Variants in TRAPPC11 observed in about 807,000 individuals in gnomAD.
TRAPPC11 encodes foie gras homolog.
A neutral mutation model predicts 151.2 loss-of-function variants in TRAPPC11; 104 were observed. That is an observed-to-expected ratio of 0.69 (90% CI 0.59 to 0.81). The LOEUF (loss-of-function observed/expected upper bound fraction) is 0.81. Among genes scored for constraint, TRAPPC11 ranks in the 30% least tolerant of loss-of-function variants. The pLI is 0.00. For missense variants in TRAPPC11, 1,230 were observed against 1,349.6 expected, an observed-to-expected ratio of 0.91 and a Z score of 1.39; for synonymous variants, 456 against 472.3, an observed-to-expected ratio of 0.97 and a Z score of 0.45.
intron 5 of TRAPPC11, among the ~76,000 whole-genome samples, chr4:183,671,104 G>A (rs1406296522): frequency 1.3e-5 from 2 of 152,170 alleles, no homozygotes; most frequent in East Asian, 1.9e-4. Context: ...GACCTTAGGT[G>A]ATCCGCCCAC....
Position 183,684,166 on chromosome 4 carries a change from A to G in TRAPPC11, c.1309A>G (p.Ser437Gly). The G allele has an allele frequency of 6.2e-7, 1 of 1,613,868 alleles. No homozygotes were observed. The highest frequency in any genetic ancestry group is 8.5e-7 in the Non-Finnish European group (1 of 1,179,790). The change falls in exon 13 of 30, where the codon AGC becomes GGC. Residue 437 changes from serine to glycine, a missense_variant. Transcript: ENST00000334690. ...ATAGGAGATAATCATAACTCTTCTG[A>G]GCAATGCTGTTGCACAGTTCAAGAA... ...VHSEIIITLL[S>G]NAVAQFKKYK...
chr4:183,678,655 A>C (rs914463775), intron 8 of TRAPPC11, among the ~76,000 whole-genome samples: 1 of 152,342 alleles, frequency 6.6e-6, no homozygotes, highest in East Asian at 1.9e-4. Context: ...ACACATACTT[A>C]TCTGTGTGTA....
intron 8 of TRAPPC11, 56 bp from the exon 9 acceptor site, chr4:183,679,297 A>T: frequency 6.9e-7 from 1 of 1,449,348 alleles, no homozygotes; most frequent in East Asian, 2.5e-5. Flanking sequence ...TTAAATGAAT[A>T]TGTCTTTTGA....
chr4:183,688,888 C>A (rs1260153284), intron 18 of TRAPPC11, among the ~76,000 whole-genome samples: 1 of 152,112 alleles, frequency 6.6e-6, no homozygotes, highest in Non-Finnish European at 1.5e-5. Context: ...GCTGGGACTA[C>A]AGGCACATGC....
chr4:183,707,657 T>C (rs1579230174), intron 28 of TRAPPC11, among the ~76,000 whole-genome samples: 1 of 152,204 alleles, frequency 6.6e-6, no homozygotes, highest in Non-Finnish European at 1.5e-5. Flanking sequence ...AATTAACTGC[T>C]CTGCATATTC....
At chr4:183,676,316 A>G (rs1261335520) in intron 7 of TRAPPC11, among the ~76,000 whole-genome samples, 1 of 151,918 alleles carries the variant, frequency 6.6e-6, no homozygotes, top group Non-Finnish European at 1.5e-5. Flanking sequence ...CGCCCAGCTA[A>G]TTTTTATATT....
chr4:183,679,269 T>G, intron 8 of TRAPPC11, 84 bp from the exon 9 acceptor site: 2 of 1,284,818 alleles, frequency 1.6e-6, no homozygotes, highest in Non-Finnish European at 2.1e-6. Context: ...TTTTCTAATG[T>G]TATTCTCAAA....
intron 29 of TRAPPC11, among the ~76,000 whole-genome samples, chr4:183,709,342 C>G (rs1737227969): frequency 6.6e-6 from 1 of 152,146 alleles, no homozygotes; most frequent in Non-Finnish European, 1.5e-5. Context: ...TTTATATAAT[C>G]CAGGATTTGG....
intron 8 of TRAPPC11, among the ~76,000 whole-genome samples, chr4:183,677,940 C>CT (rs199638936): frequency 1.1e-3 from 149 of 140,382 alleles, no homozygotes; most frequent in Middle Eastern, 3.6e-3. Context: ...TTAGAGGAAA[C>CT]TTTTTTTTTT....
intron 1 of TRAPPC11, among the ~76,000 whole-genome samples, chr4:183,663,391 G>A (rs143305443): frequency 0.046 from 7,006 of 152,122 alleles, 217 homozygotes; most frequent in South Asian, 0.094. Context: ...CCACCACCAC[G>A]CCCGGCTAAT....
chr4:183,704,796 G>A (rs917476701), intron 26 of TRAPPC11, among the ~76,000 whole-genome samples, 183 bp from the exon 27 acceptor site: 1 of 152,140 alleles, frequency 6.6e-6, no homozygotes, highest in Non-Finnish European at 1.5e-5. Flanking sequence ...CTGGGCAACA[G>A]AGTGAGACTC....
At chr4:183,708,658 G>A (rs1737200976) in intron 29 of TRAPPC11, 84 bp downstream of exon 29, 1 of 1,285,888 alleles carries the variant, frequency 7.8e-7, no homozygotes, top group African/African-American at 1.5e-5. Context: ...TCACTGAACA[G>A]TATTTTGAGA....
intron 10 of TRAPPC11, among the ~76,000 whole-genome samples, chr4:183,682,492 G>T (rs1314828866): frequency 6.6e-6 from 1 of 152,120 alleles, no homozygotes; most frequent in African/African-American, 2.4e-5. Flanking sequence ...AAAAAGTGAA[G>T]AAATTACTGT....
At chr4:183,710,962 CAG>C (rs1737314547) in intron 29 of TRAPPC11, among the ~76,000 whole-genome samples, 1 of 151,714 alleles carries the variant, frequency 6.6e-6, no homozygotes, top group Admixed American at 6.6e-5. Flanking sequence ...ATCTGGAAGA[CAG>C]AGGTTGCAGT....
rs542843663 is a variant in TRAPPC11 at position 183,707,876 on chromosome 4, C to T, written c.3190-531C>T. On this transcript the variant is annotated intron_variant, in intron 28 of 29. Transcript: ENST00000334690. ...GAAATATAAAGATGCTAAAATCTTA[C>T]CAGTTAGTATACTTTTTAAAAGTAT... Among the ~76,000 whole-genome samples, 9 of 152,104 alleles carry T rather than the reference C, an allele frequency of 5.9e-5. No individual in the cohort carries two copies. In the East Asian group the frequency reaches 7.7e-4, roughly 13 times the overall value.
intron 2 of TRAPPC11, among the ~76,000 whole-genome samples, chr4:183,664,381 C>G (rs1734734148): frequency 6.6e-6 from 1 of 152,120 alleles, no homozygotes; most frequent in Admixed American, 6.5e-5. Context: ...TCCCCACCAT[C>G]ATTACTAATG....
At position 183,697,848 on chromosome 4, in the gene TRAPPC11, C is replaced by G; in HGVS notation, c.2851+13C>G. The G allele has an allele frequency of 6.2e-7, 1 of 1,610,540 alleles. No individual in the cohort carries two copies. The highest frequency in any genetic ancestry group is 8.5e-7 in the Non-Finnish European group (1 of 1,178,478). The stretch of plus-strand genomic sequence containing the variant: ...CAAGTGGACAATGGTGAGTCTGGTT[C>G]ATTCCCACTTAAAGACCAGGAGAAT... On this transcript the variant is annotated intron_variant, in intron 25 of 29. Coordinates refer to ENST00000334690, the MANE Select transcript of TRAPPC11 (RefSeq NM_021942.6).
chr4:183,661,181 G>A (rs1187924769), intron 1 of TRAPPC11, among the ~76,000 whole-genome samples: 1 of 151,896 alleles, frequency 6.6e-6, no homozygotes, highest in Non-Finnish European at 1.5e-5. Context: ...ATCATTTATT[G>A]AATACCTGTT....
At chr4:183,691,256 A>G (rs1430763193) in intron 18 of TRAPPC11, 60 bp from the exon 19 acceptor site, 5 of 1,335,216 alleles carry the variant, frequency 3.7e-6, no homozygotes, top group Non-Finnish European at 5.0e-6. Context: ...GCTCCAAAGC[A>G]CTTGGCATTT....
Sources: allele counts gnomAD v4.1 joint callset (sites outside exome capture counted in the v4.1 genomes callset), GRCh38; gene constraint gnomAD v4.1.1; transcripts MANE v1.5; gene names NCBI Gene and HGNC (gene_info 2026-07-23, HGNC 2026-07-21).